The following MCM4 variants were observed in gnomAD, a reference collection of about 807,000 sequenced individuals.
MCM4 encodes the protein DNA replication licensing factor MCM4.
MCM4 carries 60 observed loss-of-function variants against 88.7 expected under a neutral mutation model. The ratio of observed to expected loss-of-function variants is 0.68; its 90% CI spans 0.55 to 0.84. The LOEUF (loss-of-function observed/expected upper bound fraction) is 0.84. Ranked by LOEUF, MCM4 falls within the 40% of genes least tolerant of loss-of-function variation. MCM4 has a pLI of 0.00. For synonymous variants in MCM4, 465 were observed against 410.5 expected (o/e 1.13, Z -1.61); for missense variants, 1,149 against 1,105.5 (o/e 1.04, Z -0.56).
At chr8:47,976,474 G>C (rs186046677) in intron 16 of MCM4, among the ~76,000 whole-genome samples, 5 of 152,258 alleles carry the variant, frequency 3.3e-5, no homozygotes, top group African/African-American at 1.2e-4. Context: ...AGAGGGCAGA[G>C]TTGATAGTTA....
At chr8:47,975,478 A>G in intron 15 of MCM4, 1 of 306,334 alleles carries the variant, frequency 3.3e-6, no homozygotes, top group East Asian at 5.6e-5. Flanking sequence ...ATTTTAGAGA[A>G]GTTGTTTGTT....
rs371734203 is a variant in MCM4, at chr8:47,970,838, C to T, written c.1762C>T (p.His588Tyr). The change falls in exon 12 of 17, where the codon CAT (histidine) becomes TAT (tyrosine). Residue 588 changes from histidine (H) to tyrosine (Y), a missense_variant. Around this residue, in one of 3 missense-constraint regions of MCM4, gnomAD observed 906 missense variants for 843.0 expected, o/e 1.07. Transcript: ENST00000649973. The stretch of plus-strand genomic sequence containing the variant: ...GAATGAAAGTACAAGATCGGTATTG[C>T]ATGAAGTCATGGAACAGCAGACTCT... ...KMNESTRSVLHEVMEQQTLSI... is the reference protein window; with the variant it reads ...KMNESTRSVLYEVMEQQTLSI... 4.3e-5 allele frequency: 69 copies of T among 1,608,282 alleles called. No homozygotes were observed. The highest frequency in any genetic ancestry group is 5.5e-5 in the Non-Finnish European group (65 of 1,175,688).
chr8:47,963,081 T>C, intron 7 of MCM4, 41 bp downstream of exon 7: 1 of 1,140,088 alleles, frequency 8.8e-7, no homozygotes. Context: ...TTAGTAACAG[T>C]CTAGAAAGAA....
chr8:47,962,643 G>A lies in MCM4; in HGVS notation c.502-121G>A, dbSNP rs1435960925. On this transcript the variant is annotated intron_variant, in intron 5 of 16. Transcript: ENST00000649973. ...CAAATTAAATTTTAGAAAAGAAAAA[G>A]GAAGAAAAATATTATTTATTTCTGT... 4 of 742,312 alleles carry A rather than the reference G, an allele frequency of 5.4e-6. No individual in the cohort carries two copies. The African/African-American group carries it at 7.1e-5, about 13-fold the overall frequency. The allele number at this position is 742,312 out of a possible 1,614,324, so 46.0% of individuals were successfully genotyped here.
At chr8:47,966,500 C>G (rs2090900058) in intron 9 of MCM4, 93 bp downstream of exon 9, 2 of 1,249,424 alleles carry the variant, frequency 1.6e-6, no homozygotes, top group South Asian at 2.9e-5. Flanking sequence ...CTGAGCCTCA[C>G]TTCCCGAATG....
intron 11 of MCM4, 92 bp downstream of exon 11, chr8:47,970,149 A>G (rs2090939276): frequency 1.4e-6 from 2 of 1,438,318 alleles, no homozygotes; most frequent in Non-Finnish European, 1.9e-6. Flanking sequence ...GCCATCCGCC[A>G]TAAAGGACAG....
intron 8 of MCM4, 106 bp from the exon 9 acceptor site, chr8:47,966,081 C>T (rs1045974073): frequency 8.4e-6 from 7 of 829,634 alleles, no homozygotes; most frequent in African/African-American, 3.3e-5. Context: ...ACAGAAAGGT[C>T]GCCCTAGGCA....
At position 47,977,019 on chromosome 8, in the gene MCM4, A is replaced by G. The variant is rs1184809153; in HGVS notation, c.*241A>G. 1.0e-5 allele frequency: 3 copies of G among 296,010 alleles called. No homozygotes were observed. In the East Asian group the frequency reaches 2.3e-4, roughly 22 times the overall value. 18.3% of individuals were successfully genotyped at this position (296,010 alleles called of 1,614,324 possible). ...GGTGGCTCACACCTGTAATCCCAGC[A>G]CTTTGGGAGGCCAATGTGGGTGGAT... On this transcript the variant is annotated 3_prime_UTR_variant, in exon 17 of 17. Transcript: ENST00000649973.
Position 47,975,727 on chromosome 8 carries a change from C to T in MCM4, c.2378C>T (p.Thr793Ile). 6.4e-7 allele frequency: 1 copy of T among 1,565,532 alleles called. No homozygotes were observed. The highest frequency in any genetic ancestry group is 8.6e-7 in the Non-Finnish European group (1 of 1,163,438). The change falls in exon 16 of 17, where the codon ACC becomes ATC. Residue 793 changes from threonine (T) to isoleucine (I), a missense_variant. By Grantham distance (89) the Thr-to-Ile change is moderately conservative. This residue lies in a region of MCM4 where 238 missense variants were observed against 241.6 expected (regional missense o/e 0.99). Coordinates refer to ENST00000649973, the MANE Select transcript of MCM4 (RefSeq NM_182746.3). ...CTTTTTAAATCAGGGATGAGTGCCA[C>T]CTCTCGTAAACGGAAAGAAGAATTA... is the stretch of plus-strand genomic sequence containing the variant. ...ISILTTGMSA[T>I]SRKRKEELAE...
At chr8:47,976,009 A>G (rs919273614) in intron 16 of MCM4, among the ~76,000 whole-genome samples, 161 bp downstream of exon 16, 9 of 152,246 alleles carry the variant, frequency 5.9e-5, no homozygotes, top group Non-Finnish European at 1.0e-4. Context: ...CACAATTAAA[A>G]TTTTTGGCTG....
rs377624272 is a variant in MCM4 at position 47,970,603 on chromosome 8, T to C, written c.1527T>C (p.Cys509=). Residue 509 remains cysteine (C), a synonymous_variant, in exon 12 of 17, where the codon TGT becomes TGC. Transcript: ENST00000649973. ...KFRAEINILL[C]GDPGTSKSQL... The stretch of plus-strand genomic sequence containing the variant: ...GGGCTGAGATCAACATCTTGCTGTG[T>C]GGCGACCCTGGTACCAGCAAGTCCC... 1.2e-6 allele frequency: 2 copies of C among 1,614,076 alleles called. No homozygotes were observed. Among genetic ancestry groups the C allele is most frequent in the African/African-American group, 2.7e-5 (2 of 74,934 alleles).
chr8:47,966,014 C>T (rs1357068569), intron 8 of MCM4, among the ~76,000 whole-genome samples, 173 bp from the exon 9 acceptor site: 1 of 152,096 alleles, frequency 6.6e-6, no homozygotes, highest in African/African-American at 2.4e-5. Flanking sequence ...GGAAGAAGGG[C>T]CAGAGGTTCG....
At position 47,976,849 on chromosome 8, in the gene MCM4, C is replaced by A. The variant is rs17334535; in HGVS notation, c.*71C>A. On this transcript the variant is annotated 3_prime_UTR_variant, in exon 17 of 17. Transcript: ENST00000649973. The stretch of plus-strand genomic sequence containing the variant: ...CGCCACATGGGTGTGGTCTGCATCT[C>A]AGTTGGCCGCCATCAGTGTAAATAG... 42,690 of 970,210 alleles carry A rather than the reference C, an allele frequency of 0.044. 1,150 individuals carry two copies. Among genetic ancestry groups the A allele is most frequent in the Middle Eastern group, 0.064 (259 of 4,054 alleles). The allele number at this position is 970,210 out of a possible 1,614,324, so 60.1% of individuals were successfully genotyped here.
At chr8:47,975,182 GTTT>G in intron 15 of MCM4, 3 of 346,250 alleles carry the variant, frequency 8.7e-6, no homozygotes, top group Admixed American at 4.7e-5. Context: ...GTTTTTTTTT[GTTT>G]TTTTTTTTTA....
chr8:47,964,707 C>CAGA lies in MCM4; in HGVS notation c.830_832dup (p.Glu277dup). On this transcript the variant is annotated inframe_insertion, in exon 8 of 17. Coordinates refer to ENST00000649973, the MANE Select transcript of MCM4 (RefSeq NM_182746.3). Reference sequence around the variant, plus strand: ...ACTAAGAATATGAGAAACCTGAATCCAGAAGGTAATGTATTTTTCATAGGA... The same window carrying CAGA: ...ACTAAGAATATGAGAAACCTGAATCCAGAAGAAGGTAATGTATTTTTCATAGGA... The CAGA allele has an allele frequency of 6.5e-7, 1 of 1,547,974 alleles. No individual in the cohort carries two copies. The highest frequency in any genetic ancestry group is 8.7e-7 in the Non-Finnish European group (1 of 1,152,768).
intron 2 of MCM4, 92 bp from the exon 3 acceptor site, chr8:47,961,424 G>A (rs2090831463): frequency 6.2e-7 from 1 of 1,605,556 alleles, no homozygotes; most frequent in Admixed American, 1.7e-5. Flanking sequence ...GTTTGGTTCA[G>A]TGGTGAGTCA....
chr8:47,974,507 C>T (rs561107235), intron 14 of MCM4: 3 of 498,224 alleles, frequency 6.0e-6, no homozygotes, highest in African/African-American at 3.8e-5. Context: ...CAAGCATCTC[C>T]CAGTTGGAAT....
At position 47,964,610 on chromosome 8, in the gene MCM4, ATCT is replaced by A. The variant is rs767666486; in HGVS notation, c.735_737del (p.Phe246del). ...AACTTTTGACATGGCTGTCAATGAA[ATCT>A]TCTTTGACCGTTACCCTGACTCAAT... On this transcript the variant is annotated inframe_deletion, in exon 8 of 17. Transcript: ENST00000649973. 1.2e-5 allele frequency: 20 copies of A among 1,600,496 alleles called. No homozygotes were observed. Among genetic ancestry groups the A allele is most frequent in the Admixed American group, 3.6e-5 (2 of 55,502 alleles).
rs1218922133 is a variant in MCM4 at position 47,962,797 on chromosome 8, AAAG to A, written c.544_546del (p.Glu182del). 8.7e-6 allele frequency: 14 copies of A among 1,609,838 alleles called. No homozygotes were observed. The highest frequency in any genetic ancestry group is 4.0e-5 in the African/African-American group (3 of 74,680). ...TCAGCGTTTTATTGACCCTCTGGCT[AAAG>A]AAGAAGAAAATGTTGGCATAGATAT... On this transcript the variant is annotated inframe_deletion, in exon 6 of 17. Transcript: ENST00000649973.
Sources: allele counts gnomAD v4.1 joint callset (sites outside exome capture counted in the v4.1 genomes callset), GRCh38; gene constraint gnomAD v4.1.1; regional missense constraint gnomAD v4.1.1; transcripts MANE v1.5; gene names NCBI Gene and HGNC (gene_info 2026-07-23, HGNC 2026-07-21).